CD80: variants seen among roughly 807,000 people sequenced by gnomAD.
CD80 encodes the protein CD80 molecule, also known as T-lymphocyte activation antigen CD80.
Under a neutral mutation model 27.1 loss-of-function variants are expected in CD80, and 13 were observed. The observed-to-expected ratio is 0.48, with a 90% CI of 0.31 to 0.76. The LOEUF is 0.76. CD80 is among the 30% of genes least tolerant of loss of function. The pLI is 0.04. For missense variants in CD80, 277 were observed against 347.9 expected, an observed-to-expected ratio of 0.80 and a Z score of 1.62; for synonymous variants, 125 against 125.5, an observed-to-expected ratio of 1.00 and a Z score of 0.03.
At chr3:119,530,048 C>T in intron 4 of CD80, 111 bp from the exon 5 acceptor site, 3 of 703,468 alleles carry the variant, frequency 4.3e-6, no homozygotes, top group Admixed American at 5.3e-5. Context: ...CTGGTCAGCT[C>T]TCCAGTATGC....
intron 2 of CD80, among the ~76,000 whole-genome samples, chr3:119,555,563 T>G (rs1281414495): frequency 6.6e-6 from 1 of 152,220 alleles, no homozygotes; most frequent in Non-Finnish European, 1.5e-5. Flanking sequence ...GTCCGGTTCT[T>G]GCTCACTGGG....
At chr3:119,538,751 C>T (rs950166298) in intron 3 of CD80, among the ~76,000 whole-genome samples, 4 of 152,106 alleles carry the variant, frequency 2.6e-5, no homozygotes, top group Admixed American at 1.3e-4. Flanking sequence ...ATAGAACTTT[C>T]GTTGGAAAGG....
chr3:119,553,641 G>T (rs2082246489), intron 2 of CD80, among the ~76,000 whole-genome samples: 1 of 152,164 alleles, frequency 6.6e-6, no homozygotes, highest in Non-Finnish European at 1.5e-5. Flanking sequence ...CCCTCGCAGG[G>T]GTCTGGGAGC....
At chr3:119,536,964 G>T (rs1162736448) in intron 4 of CD80, among the ~76,000 whole-genome samples, 173 bp downstream of exon 4, 2 of 152,210 alleles carry the variant, frequency 1.3e-5, no homozygotes, top group Non-Finnish European at 2.9e-5. Context: ...TGTAGCCTAG[G>T]TGTGCAGTAG....
intron 5 of CD80, among the ~76,000 whole-genome samples, chr3:119,529,164 G>A (rs1398250533): frequency 7.9e-5 from 12 of 152,124 alleles, no homozygotes; most frequent in Non-Finnish European, 1.0e-4. Context: ...TGGCCAGGCC[G>A]GTCTCGAACT....
At chr3:119,548,165 G>A (rs912677690) in intron 2 of CD80, among the ~76,000 whole-genome samples, 5 of 152,022 alleles carry the variant, frequency 3.3e-5, no homozygotes, top group African/African-American at 1.2e-4. Context: ...ATTTTTAGTA[G>A]AGACAGGGTT....
intron 2 of CD80, among the ~76,000 whole-genome samples, chr3:119,547,478 ATTC>A (rs2082208186): frequency 6.6e-6 from 1 of 152,322 alleles, no homozygotes; most frequent in South Asian, 2.1e-4. Context: ...AACACATCTC[ATTC>A]TTCTTATGTA....
rs908780052 is a variant in CD80, at chr3:119,544,306, T to C, written c.418+244A>G. The C allele has an allele frequency of 1.2e-4, 62 of 530,764 alleles. 1 individual carries two copies. The highest frequency in any genetic ancestry group is 8.5e-4 in the African/African-American group (45 of 52,838). The allele number at this position is 530,764 out of a possible 1,614,324, so 32.9% of individuals were successfully genotyped here. A position where few individuals can be genotyped will look rare whatever the true frequency, so the allele number is the denominator to read the frequency against. ...GATTGAGAGGCTCTTTAGGTCATTA[T>C]AGTGCCCCAGGATGATTGTCATGAA... On this transcript the variant is annotated intron_variant, in intron 3 of 6. Transcript: ENST00000264246.
intron 5 of CD80, among the ~76,000 whole-genome samples, chr3:119,528,518 A>G (rs1341203060): frequency 2.6e-5 from 4 of 152,300 alleles, no homozygotes; most frequent in South Asian, 4.1e-4. Flanking sequence ...GTGTAAATTC[A>G]TAGGGTAAAA....
chr3:119,552,558 A>T (rs1053981014), intron 2 of CD80, among the ~76,000 whole-genome samples: 2 of 150,358 alleles, frequency 1.3e-5, no homozygotes, highest in African/African-American at 4.9e-5. Context: ...CAAGGGCTCA[A>T]TCTAGGCCAG....
In CD80 at chr3:119,529,857, A is replaced by G. The variant is rs1180093467; in HGVS notation, c.781T>C (p.Cys261Arg). The G allele has an allele frequency of 6.2e-7, 1 of 1,609,428 alleles. No homozygotes were observed. Among genetic ancestry groups the G allele is most frequent in the South Asian group, 1.1e-5 (1 of 90,972 alleles). ...LISVNGIFVI[C>R]CLTYCFAPRC... is the part of the protein sequence containing the mutation. Reference sequence around the variant, plus strand: ...TAGTACTTACAGTAGGTCAGGCAGCATATCACAAAAATTCCATTTACTGAG... The same window carrying G: ...TAGTACTTACAGTAGGTCAGGCAGCGTATCACAAAAATTCCATTTACTGAG... Residue 261 changes from cysteine (C) to arginine (R), a missense_variant, in exon 5 of 7, where the codon TGC becomes CGC. Transcript: ENST00000264246.
In CD80 at chr3:119,527,826, C is replaced by T; in HGVS notation, c.812G>A (p.Cys271Tyr). 1 of 1,613,784 alleles carries T rather than the reference C, an allele frequency of 6.2e-7. No homozygotes were observed. The highest frequency in any genetic ancestry group is 8.5e-7 in the Non-Finnish European group (1 of 1,179,706). ...TCTCTCATTCCTCCTTCTCTCTCTG[C>T]ATCTTGGGGCAAAGCCTTGGAGACA... ...CCLTYCFAPR[C>Y]RERRRNERLR... Residue 271 changes from cysteine (C) to tyrosine (Y), a missense_variant, in exon 6 of 7, where the codon TGC (cysteine) becomes TAC (tyrosine). Physicochemically the swap from Cys to Tyr is radical, Grantham distance 194. Coordinates refer to ENST00000264246, the MANE Select transcript of CD80 (RefSeq NM_005191.4).
chr3:119,539,732 A>G (rs1186423408), intron 3 of CD80, among the ~76,000 whole-genome samples: 1 of 152,016 alleles, frequency 6.6e-6, no homozygotes, highest in East Asian at 1.9e-4. Flanking sequence ...GAATGTAGGG[A>G]TTCAATCTCC....
chr3:119,529,928 T>G lies in CD80; in HGVS notation c.710A>C (p.Glu237Ala), dbSNP rs762795956. 2 of 1,612,176 alleles carry G rather than the reference T, an allele frequency of 1.2e-6. No individual in the cohort carries two copies. Among genetic ancestry groups the G allele is most frequent in the South Asian group, 2.2e-5 (2 of 91,044 alleles). Residue 237 changes from glutamate (E) to alanine (A), a missense_variant, in exon 5 of 7, where the codon GAG becomes GCG. Coordinates refer to ENST00000264246, the MANE Select transcript of CD80 (RefSeq NM_005191.4). ...QTFNWNTTKQ[E>A]HFPDNLLPSW... ...TGGGAGCAGGTTATCAGGAAAATGC[T>G]CTTGCTTGGCTATGGAGGGAAAAGA...
rs375532437 is a variant in CD80 at position 119,554,546 on chromosome 3, G to C, written c.100+3083C>G. 9.2e-5 allele frequency among the ~76,000 whole-genome samples: 14 copies of C among 152,290 alleles called. No homozygotes were observed. In the East Asian group the frequency reaches 2.5e-3, roughly 27 times the overall value. ...ATAGACAGTGCCTGCAGGCCTAGAG[G>C]GGGAGAGGAGCCTGGCTGGTTCCAC... On this transcript the variant is annotated intron_variant, in intron 2 of 6. Coordinates refer to ENST00000264246, the MANE Select transcript of CD80 (RefSeq NM_005191.4).
chr3:119,543,278 T>C (rs753863517), intron 3 of CD80, among the ~76,000 whole-genome samples: 1 of 152,178 alleles, frequency 6.6e-6, no homozygotes, highest in African/African-American at 2.4e-5. Context: ...AAAGCAAGGG[T>C]CCTTTCTTTC....
chr3:119,527,686 C>A, intron 6 of CD80, 47 bp downstream of exon 6: 1 of 1,153,066 alleles, frequency 8.7e-7, no homozygotes, highest in Non-Finnish European at 1.3e-6. Flanking sequence ...AAGAATGCCT[C>A]ATGATCCCCA....
rs562323069 is a variant in CD80, at chr3:119,539,624, T to C, written c.419-2206A>G. On this transcript the variant is annotated intron_variant, in intron 3 of 6. Coordinates refer to ENST00000264246, the MANE Select transcript of CD80 (RefSeq NM_005191.4). ...ATTTGATCCCCATAAGATTCTGAAG[T>C]ACAAAGTACAGGAAAATAAATGCAG... Among the ~76,000 whole-genome samples the C allele has an allele frequency of 3.9e-5, 6 of 152,298 alleles. No homozygotes were observed. In the East Asian group the frequency reaches 1.2e-3, roughly 29 times the overall value.
intron 5 of CD80, among the ~76,000 whole-genome samples, chr3:119,528,511 TA>T (rs2082090942): frequency 6.6e-6 from 1 of 152,178 alleles, no homozygotes; most frequent in African/African-American, 2.4e-5. Flanking sequence ...ACCCAAAGTG[TA>T]AATTCATAGG....
Sources: allele counts gnomAD v4.1 joint callset (sites outside exome capture counted in the v4.1 genomes callset), GRCh38; gene constraint gnomAD v4.1.1; transcripts MANE v1.5; gene names NCBI Gene and HGNC (gene_info 2026-07-23, HGNC 2026-07-21).